TUSC3: variants seen among roughly 807,000 people sequenced by gnomAD.
TUSC3 encodes the protein dolichyl-diphosphooligosaccharide--protein glycosyltransferase subunit TUSC3.
A neutral mutation model predicts 44.8 loss-of-function variants in TUSC3; 45 were observed. That is an observed-to-expected ratio of 1.00 (90% confidence interval 0.79 to 1.29). TUSC3 has a LOEUF of 1.29. Ranked by LOEUF, TUSC3 falls within the 50% of genes most tolerant of loss-of-function variation. TUSC3 has a pLI of 0.00. For synonymous variants in TUSC3, 212 were observed against 152.9 expected, an observed-to-expected ratio of 1.39 and a Z score of -2.85; for missense variants, 519 against 437.9, an observed-to-expected ratio of 1.19 and a Z score of -1.65.
the TUSC3 span, among the ~76,000 whole-genome samples, chr8:15,820,853 T>C: frequency 6.6e-6 from 1 of 152,204 alleles, no homozygotes; most frequent in Non-Finnish European, 1.5e-5. Flanking sequence ...TATGTATGCC[T>C]CTTTAAAATC....
chr8:15,828,321 G>A, the TUSC3 span, among the ~76,000 whole-genome samples: 17 of 152,254 alleles, frequency 1.1e-4, no homozygotes, highest in African/African-American at 4.1e-4. Context: ...TCTACAGTTT[G>A]TAGATTGGTT....
chr8:15,535,489 A>G (rs868060322), upstream of TUSC3, among the ~76,000 whole-genome samples: 3 of 152,192 alleles, frequency 2.0e-5, no homozygotes, highest in Admixed American at 1.3e-4. Flanking sequence ...CAAAGTTTCT[A>G]CCGTCCTAGA....
At chr8:15,619,909 A>T (rs941101044) in intron 1 of TUSC3, among the ~76,000 whole-genome samples, 1 of 152,198 alleles carries the variant, frequency 6.6e-6, no homozygotes, top group Non-Finnish European at 1.5e-5. Flanking sequence ...AAGAGAGAGC[A>T]TTCAGAATTG....
chr8:15,436,698 A>G (rs200598341), intron 1 of TUSC3, among the ~76,000 whole-genome samples: 2 of 112,030 alleles, frequency 1.8e-5, no homozygotes, highest in East Asian at 4.0e-4. Context: ...AACTTTCACA[A>G]AAAAAATACA....
At chr8:15,553,309 G>T (rs887712766) in intron 1 of TUSC3, among the ~76,000 whole-genome samples, 4 of 151,716 alleles carry the variant, frequency 2.6e-5, no homozygotes, top group African/African-American at 7.2e-5. Context: ...GTAAAAAATA[G>T]AGGACCTGTT....
intron 2 of TUSC3, among the ~76,000 whole-genome samples, chr8:15,530,596 A>C (rs377341795): frequency 4.8e-4 from 73 of 152,298 alleles, no homozygotes; most frequent in African/African-American, 1.7e-3. Context: ...TCATGCTTCT[A>C]AACAGTCTAA....
At chr8:15,667,863 C>G (rs1293001613) in intron 5 of TUSC3, among the ~76,000 whole-genome samples, 1 of 151,692 alleles carries the variant, frequency 6.6e-6, no homozygotes, top group Admixed American at 6.6e-5. Flanking sequence ...GCTGTAGTTA[C>G]AGTGGGCGTG....
At chr8:15,799,151 C>T in the TUSC3 span, among the ~76,000 whole-genome samples, 6 of 152,214 alleles carry the variant, frequency 3.9e-5, no homozygotes, top group East Asian at 3.9e-4. Flanking sequence ...ACTCTAAGTC[C>T]GTGTAGGGTT....
intron 6 of TUSC3, among the ~76,000 whole-genome samples, chr8:15,679,150 G>T (rs1199618039): frequency 6.6e-6 from 1 of 152,132 alleles, no homozygotes; most frequent in Non-Finnish European, 1.5e-5. Context: ...TAGAATGGCA[G>T]TTCTAATTTT....
the TUSC3 span, chr8:15,806,460 T>G: frequency 1.2e-6 from 1 of 838,820 alleles, no homozygotes; most frequent in South Asian, 1.3e-5. Flanking sequence ...TTGTCTTGAC[T>G]TCCCTTATGC....
chr8:15,435,997 G>T (rs927228469), intron 1 of TUSC3, among the ~76,000 whole-genome samples: 1 of 152,178 alleles, frequency 6.6e-6, no homozygotes, highest in African/African-American at 2.4e-5. Context: ...CATCACAGAC[G>T]TATGTTGACT....
chr8:15,458,599 C>T (rs114466772), intron 1 of TUSC3, among the ~76,000 whole-genome samples: 6,351 of 152,160 alleles, frequency 0.042, 139 homozygotes, highest in Middle Eastern at 0.071. Context: ...TATGGACCAA[C>T]GATGAATGTG....
At chr8:15,780,206 G>C in the TUSC3 span, among the ~76,000 whole-genome samples, 4 of 152,218 alleles carry the variant, frequency 2.6e-5, no homozygotes, top group East Asian at 5.8e-4. Flanking sequence ...CTGATGAACT[G>C]GGCAACTAAG....
At chr8:15,685,667 G>A (rs1188112282) in intron 6 of TUSC3, among the ~76,000 whole-genome samples, 2 of 152,000 alleles carry the variant, frequency 1.3e-5, no homozygotes, top group South Asian at 4.2e-4. Context: ...TGTACACTTG[G>A]GGGAAACACT....
At chr8:15,555,115 A>G (rs1472551021) in intron 1 of TUSC3, among the ~76,000 whole-genome samples, 2 of 143,456 alleles carry the variant, frequency 1.4e-5, no homozygotes, top group African/African-American at 2.5e-5. Context: ...TTAGGTACGT[A>G]GGTGACAATA....
At chr8:15,826,554 G>C in the TUSC3 span, among the ~76,000 whole-genome samples, 1 of 152,164 alleles carries the variant, frequency 6.6e-6, no homozygotes, top group South Asian at 2.1e-4. Flanking sequence ...AATGGTTCCA[G>C]GCTTGGATTT....
chr8:15,807,090 G>T, the TUSC3 span: 2 of 1,342,840 alleles, frequency 1.5e-6, no homozygotes, highest in Non-Finnish European at 2.1e-6. Context: ...GGCAACCTGA[G>T]AACCAGGATG....
intron 6 of TUSC3, among the ~76,000 whole-genome samples, chr8:15,692,167 A>T (rs1808929670): frequency 6.6e-6 from 1 of 152,282 alleles, no homozygotes; most frequent in Non-Finnish European, 1.5e-5. Flanking sequence ...TACCAGGGAT[A>T]AAGACTACTT....
intron 2 of TUSC3, among the ~76,000 whole-genome samples, chr8:15,521,266 G>T (rs1801293609): frequency 6.6e-6 from 1 of 152,116 alleles, no homozygotes; most frequent in African/African-American, 2.4e-5. Context: ...TTGATCCTCG[G>T]CTGGGTAGCA....
Sources: gnomAD v4.1 joint callset for allele counts (sites outside exome capture counted in the v4.1 genomes callset) on GRCh38, gnomAD v4.1.1 for gene constraint, MANE v1.5 for transcripts, NCBI Gene and HGNC (gene_info 2026-07-23, HGNC 2026-07-21) for gene names.